ACOXL: variants seen among roughly 807,000 people sequenced by gnomAD.
ACOXL encodes acyl-coenzyme A oxidase-like protein.
Under a neutral mutation model 71.9 loss-of-function variants are expected in ACOXL, and 70 were observed. The ratio of observed to expected loss-of-function variants is 0.97; its 90% CI spans 0.80 to 1.19. The LOEUF (loss-of-function observed/expected upper bound fraction) is 1.19, where lower values mean the gene tolerates loss of function less well. Among genes scored for constraint, ACOXL ranks in the 50% most tolerant of loss-of-function variants. The pLI, the probability that ACOXL is intolerant of heterozygous loss-of-function variation, is 0.00. For missense variants in ACOXL, 703 were observed against 736.3 expected (o/e 0.95, Z 0.52); for synonymous variants, 253 against 281.6 (o/e 0.90, Z 1.02).
At chr2:110,871,261 G>A (rs1695241815) in intron 10 of ACOXL, among the ~76,000 whole-genome samples, 1 of 152,096 alleles carries the variant, frequency 6.6e-6, no homozygotes, top group African/African-American at 2.4e-5. Flanking sequence ...TCTGGGGAAG[G>A]TCTCCAGTGG....
chr2:111,017,432 G>C (rs1022864472), intron 14 of ACOXL, among the ~76,000 whole-genome samples: 1 of 152,256 alleles, frequency 6.6e-6, no homozygotes, highest in Non-Finnish European at 1.5e-5. Context: ...AAGCTCAGCA[G>C]TGGCAGCAGC....
chr2:110,874,043 A>C (rs1344871370), intron 10 of ACOXL, among the ~76,000 whole-genome samples: 1 of 152,168 alleles, frequency 6.6e-6, no homozygotes, highest in African/African-American at 2.4e-5. Flanking sequence ...GCTGGGTGGA[A>C]AACAGAAAAC....
At chr2:111,006,765 A>T (rs2063896195) in intron 14 of ACOXL, among the ~76,000 whole-genome samples, 1 of 151,736 alleles carries the variant, frequency 6.6e-6, no homozygotes, top group Non-Finnish European at 1.5e-5. Context: ...CGCCATGTTG[A>T]TCAGGCTGGT....
At chr2:110,895,610 C>T (rs1478708312) in intron 10 of ACOXL, among the ~76,000 whole-genome samples, 1 of 151,850 alleles carries the variant, frequency 6.6e-6, no homozygotes, top group Admixed American at 6.6e-5. Context: ...TTCACACCAA[C>T]AGCCATCATA....
chr2:110,963,800 T>C (rs2061812243), intron 12 of ACOXL: 2 of 1,553,004 alleles, frequency 1.3e-6, no homozygotes, highest in Admixed American at 3.6e-5. Flanking sequence ...GATTGCCTTC[T>C]TTAATTGGCA....
intron 1 of ACOXL, among the ~76,000 whole-genome samples, chr2:110,738,822 T>C (rs558112636): frequency 6.6e-6 from 1 of 152,188 alleles, no homozygotes; most frequent in Non-Finnish European, 1.5e-5. Context: ...TATTTTTCCT[T>C]CCTTTTTTAT....
chr2:110,903,872 C>T (rs1220824257), intron 10 of ACOXL, among the ~76,000 whole-genome samples: 1 of 152,220 alleles, frequency 6.6e-6, no homozygotes, highest in Non-Finnish European at 1.5e-5. Flanking sequence ...CATGGCAGGG[C>T]AGGGTCTCTC....
intron 10 of ACOXL, among the ~76,000 whole-genome samples, chr2:110,900,765 G>A (rs551791873): frequency 2.0e-5 from 3 of 152,190 alleles, no homozygotes; most frequent in Admixed American, 2.0e-4. Context: ...TAGCGTGATG[G>A]GTTAGACCCA....
intron 16 of ACOXL, among the ~76,000 whole-genome samples, chr2:111,055,382 C>T (rs182357616): frequency 6.6e-6 from 1 of 152,380 alleles, no homozygotes; most frequent in Admixed American, 6.5e-5. Context: ...CTTTTCTCAA[C>T]CTGTGTAGGT....
At chr2:110,774,595 TACTC>T (rs918686907) in intron 2 of ACOXL, among the ~76,000 whole-genome samples, 12 of 152,070 alleles carry the variant, frequency 7.9e-5, no homozygotes, top group African/African-American at 2.7e-4. Flanking sequence ...AAGAATAAAA[TACTC>T]AGGAATAGAC....
intron 16 of ACOXL, among the ~76,000 whole-genome samples, chr2:111,055,205 G>A (rs1471612901): frequency 6.6e-6 from 1 of 152,116 alleles, no homozygotes; most frequent in Non-Finnish European, 1.5e-5. Context: ...AGGCCTTCAC[G>A]CCTTTGGTTC....
chr2:110,895,667 T>TAGAGAGAGAGAGAG (rs3058996), intron 10 of ACOXL, among the ~76,000 whole-genome samples: 1 of 148,376 alleles, frequency 6.7e-6, no homozygotes, highest in African/African-American at 2.5e-5. Context: ...TTGAAAACAA[T>TAGAGAGAGAGAGAG]AGAGAGAGAG....
chr2:111,059,860 G>A (rs1235099382), intron 16 of ACOXL, among the ~76,000 whole-genome samples: 1 of 150,710 alleles, frequency 6.6e-6, no homozygotes, highest in Non-Finnish European at 1.5e-5. Flanking sequence ...AGAAGAGGAG[G>A]TAAATGAGGA....
chr2:110,825,710 T>G (rs1270605901), intron 9 of ACOXL, among the ~76,000 whole-genome samples: 2 of 152,116 alleles, frequency 1.3e-5, no homozygotes, highest in Non-Finnish European at 2.9e-5. Flanking sequence ...GTTTGCAAGG[T>G]TTTTTGTTTT....
intron 12 of ACOXL, among the ~76,000 whole-genome samples, chr2:110,969,176 C>A (rs1391745964): frequency 6.6e-6 from 1 of 152,006 alleles, no homozygotes; most frequent in Non-Finnish European, 1.5e-5. Flanking sequence ...TAAAATAGTG[C>A]TGAAAGGAAA....
At chr2:110,987,864 G>T (rs1322128637) in intron 13 of ACOXL, among the ~76,000 whole-genome samples, 9 of 152,028 alleles carry the variant, frequency 5.9e-5, no homozygotes, top group African/African-American at 1.9e-4. Flanking sequence ...GTTGTGTATG[G>T]TTTTTTGATA....
intron 1 of ACOXL, chr2:110,733,121 T>G (rs1339508493): frequency 1.3e-5 from 2 of 152,482 alleles, no homozygotes; most frequent in African/African-American, 4.8e-5. Flanking sequence ...TTGTTGAACC[T>G]GTTTCTTGAG....
chr2:110,956,544 T>A (rs115273210), intron 12 of ACOXL, among the ~76,000 whole-genome samples: 2,518 of 152,208 alleles, frequency 0.017, 23 homozygotes, highest in Non-Finnish European at 0.025. Context: ...GCAGTGACTC[T>A]CCATGCTCCC....
At chr2:110,999,449 A>G (rs1462298489) in intron 14 of ACOXL, among the ~76,000 whole-genome samples, 1 of 152,186 alleles carries the variant, frequency 6.6e-6, no homozygotes, top group Non-Finnish European at 1.5e-5. Flanking sequence ...TATCAAAAGC[A>G]TTAACCAGAA....
Sources: allele counts gnomAD v4.1 joint callset (sites outside exome capture counted in the v4.1 genomes callset), GRCh38; gene constraint gnomAD v4.1.1; transcripts MANE v1.5; gene names NCBI Gene and HGNC (gene_info 2026-07-23, HGNC 2026-07-21).